Variants in STPG2 observed in about 807,000 individuals in gnomAD.
STPG2 encodes the protein sperm-tail PG-rich repeat-containing protein 2.
In STPG2, 56 loss-of-function variants were observed where a neutral mutation model predicts 54.2. The ratio of observed to expected loss-of-function variants is 1.03; its 90% CI spans 0.83 to 1.29. STPG2 has a LOEUF of 1.29. Ranked by LOEUF, STPG2 falls within the 50% of genes most tolerant of loss-of-function variation. STPG2 has a pLI of 0.00. For synonymous variants in STPG2, 200 were observed against 181.8 expected, an observed-to-expected ratio of 1.10 and a Z score of -0.81; for missense variants, 596 against 544.9, an observed-to-expected ratio of 1.09 and a Z score of -0.93.
intron 8 of STPG2, among the ~76,000 whole-genome samples, chr4:97,852,973 T>C (rs796285972): frequency 0.018 from 2,092 of 117,288 alleles, 26 homozygotes; most frequent in African/African-American, 0.052. Context: ...TTTTCTTTTT[T>C]TTTTTTTTTT....
intron 10 of STPG2, among the ~76,000 whole-genome samples, chr4:97,592,110 G>GA (rs1480722660): frequency 6.6e-6 from 1 of 152,046 alleles, no homozygotes; most frequent in Non-Finnish European, 1.5e-5. Flanking sequence ...AAGGGCAATA[G>GA]AAAAATCGCC....
intron 3 of STPG2, among the ~76,000 whole-genome samples, chr4:98,120,754 G>T (rs904342512): frequency 2.0e-5 from 3 of 152,024 alleles, no homozygotes; most frequent in African/African-American, 7.2e-5. Context: ...TTTTACTGGG[G>T]TTGTTTTTTA....
At chr4:97,760,920 A>T (rs1298850157) in intron 9 of STPG2, among the ~76,000 whole-genome samples, 1 of 152,152 alleles carries the variant, frequency 6.6e-6, no homozygotes, top group Non-Finnish European at 1.5e-5. Flanking sequence ...TCTAGAAATC[A>T]CCCACATTCC....
intron 5 of STPG2, among the ~76,000 whole-genome samples, chr4:98,093,909 T>C (rs1288984187): frequency 1.3e-5 from 2 of 151,960 alleles, no homozygotes; most frequent in African/African-American, 4.8e-5. Context: ...GGAACTAGAG[T>C]TTCTCAGGAA....
chr4:98,071,446 C>T (rs1030535002), intron 5 of STPG2, among the ~76,000 whole-genome samples: 1 of 143,538 alleles, frequency 7.0e-6, no homozygotes, highest in Non-Finnish European at 1.5e-5. Flanking sequence ...TACATGAAAA[C>T]CCAAAACTAT....
intron 8 of STPG2, among the ~76,000 whole-genome samples, chr4:97,860,113 T>C (rs1447754445): frequency 1.3e-5 from 2 of 152,236 alleles, no homozygotes; most frequent in Non-Finnish European, 2.9e-5. Context: ...AGTAGCATGC[T>C]GTCTTGTTAA....
intron 7 of STPG2, among the ~76,000 whole-genome samples, chr4:97,968,958 A>T (rs1734217714): frequency 6.6e-6 from 1 of 152,178 alleles, no homozygotes. Context: ...TCCTATCCCA[A>T]AAAAGCAAAG....
At chr4:97,584,230 C>A (rs148829211) in intron 10 of STPG2, among the ~76,000 whole-genome samples, 80 of 151,954 alleles carry the variant, frequency 5.3e-4, no homozygotes, top group Non-Finnish European at 9.6e-4. Context: ...CAAAAGAAAC[C>A]CTCAAAATTA....
chr4:98,025,872 T>A (rs1168127453), intron 5 of STPG2: 5 of 1,597,526 alleles, frequency 3.1e-6, no homozygotes, highest in African/African-American at 1.3e-5. Flanking sequence ...TTTGGCACCC[T>A]GAAGGGAGCT....
chr4:98,022,494 T>C (rs1736250177), intron 5 of STPG2, among the ~76,000 whole-genome samples: 3 of 151,944 alleles, frequency 2.0e-5, no homozygotes, highest in African/African-American at 7.3e-5. Flanking sequence ...CAATTATGTG[T>C]CTTGGAGTTG....
intron 1 of STPG2, among the ~76,000 whole-genome samples, chr4:98,137,647 T>A (rs985500348): frequency 6.6e-6 from 1 of 151,762 alleles, no homozygotes; most frequent in South Asian, 2.1e-4. Context: ...TCTGAGGTAG[T>A]TGGCATCAGA....
intron 8 of STPG2, among the ~76,000 whole-genome samples, chr4:97,856,296 G>A (rs1003912334): frequency 1.3e-5 from 2 of 152,186 alleles, no homozygotes; most frequent in East Asian, 1.9e-4. Context: ...TTATCCATGA[G>A]CATAGAATGT....
intron 5 of STPG2, among the ~76,000 whole-genome samples, chr4:98,034,068 T>C (rs1736688909): frequency 6.6e-6 from 1 of 152,028 alleles, no homozygotes; most frequent in South Asian, 2.1e-4. Context: ...CTCACACCAC[T>C]CCTATTCAAC....
Position 97,507,774 on chromosome 4 carries a change from A to C in STPG2, c.462+204925T>G, listed in dbSNP as rs539841984. On this transcript the variant is annotated intron_variant, in intron 4 of 4. Transcript: ENST00000522676. The stretch of plus-strand genomic sequence containing the variant: ...AGATACACATAGGGTAAGGTCTAGG[A>C]AAGTCCTGAATGCAGAACTTCCATG... Among the ~76,000 whole-genome samples the C allele has an allele frequency of 4.6e-5, 7 of 152,184 alleles. No individual in the cohort carries two copies. In the South Asian group the frequency reaches 1.4e-3, roughly 32 times the overall value.
chr4:97,933,215 G>T (rs568900198), intron 8 of STPG2, among the ~76,000 whole-genome samples: 3 of 151,614 alleles, frequency 2.0e-5, no homozygotes, highest in African/African-American at 7.2e-5. Context: ...TGATGGGGTT[G>T]TTTTTTCTTG....
chr4:97,834,483 T>G (rs1460060681), intron 9 of STPG2, among the ~76,000 whole-genome samples: 3 of 152,122 alleles, frequency 2.0e-5, no homozygotes, highest in Non-Finnish European at 4.4e-5. Context: ...ACTCTGCACA[T>G]GTACCCCAGA....
intron 10 of STPG2, among the ~76,000 whole-genome samples, chr4:97,561,245 T>C (rs1041137067): frequency 6.6e-6 from 1 of 152,230 alleles, no homozygotes. Context: ...TGCATAAATG[T>C]CTTCTTTTGA....
At chr4:97,543,792 T>C (rs967179419) in intron 4 of STPG2, among the ~76,000 whole-genome samples, 1 of 152,058 alleles carries the variant, frequency 6.6e-6, no homozygotes, top group Non-Finnish European at 1.5e-5. Context: ...TTTGAGAGCA[T>C]AAATAAAGGC....
intron 8 of STPG2, among the ~76,000 whole-genome samples, chr4:97,932,247 G>C (rs1732576964): frequency 1.3e-5 from 2 of 151,942 alleles, no homozygotes; most frequent in Admixed American, 6.6e-5. Context: ...CTGCAGTTTA[G>C]CTCCGATTTT....
Sources: allele counts gnomAD v4.1 joint callset (sites outside exome capture counted in the v4.1 genomes callset), GRCh38; gene constraint gnomAD v4.1.1; transcripts MANE v1.5; gene names NCBI Gene and HGNC (gene_info 2026-07-23, HGNC 2026-07-21).